The following GLP2R variants were observed in gnomAD, a reference collection of about 807,000 sequenced individuals.
The protein encoded by GLP2R is glucagon-like peptide 2 receptor.
GLP2R carries 59 observed loss-of-function variants against 68.2 expected under a neutral mutation model. The observed-to-expected ratio is 0.87, with a 90% CI of 0.70 to 1.07. GLP2R has a LOEUF of 1.07. Ranked by LOEUF, GLP2R falls within the 50% of genes least tolerant of loss-of-function variation. The pLI, the probability that GLP2R is intolerant of heterozygous loss-of-function variation, is 0.00. For synonymous variants in GLP2R, 270 were observed against 265.4 expected (o/e 1.02, Z -0.17); for missense variants, 548 against 677.4 (o/e 0.81, Z 2.12).
chr17:9,873,579 T>TTTTTA (rs1555573361), intron 10 of GLP2R, among the ~76,000 whole-genome samples: 6 of 141,642 alleles, frequency 4.2e-5, no homozygotes, highest in African/African-American at 1.3e-4. Context: ...TTTTTTTTTT[T>TTTTTA]AGCTCATCAG....
intron 11 of GLP2R, among the ~76,000 whole-genome samples, chr17:9,881,263 A>G (rs2067191872): frequency 6.6e-6 from 1 of 150,776 alleles, no homozygotes; most frequent in Admixed American, 6.6e-5. Context: ...CTGAGGCCTC[A>G]TTTCTCAGTG....
At chr17:9,869,883 G>A (rs1019299616) in intron 9 of GLP2R, among the ~76,000 whole-genome samples, 1 of 152,138 alleles carries the variant, frequency 6.6e-6, no homozygotes, top group Admixed American at 6.5e-5. Flanking sequence ...GGGGAATAAG[G>A]GGGATTAGCC....
intron 7 of GLP2R, among the ~76,000 whole-genome samples, chr17:9,860,337 G>T (rs527888562): frequency 6.6e-6 from 1 of 152,212 alleles, no homozygotes; most frequent in Non-Finnish European, 1.5e-5. Context: ...AAAGTCTTTG[G>T]TGGAATCTGA....
chr17:9,831,810 C>T (rs1033346164), intron 1 of GLP2R, among the ~76,000 whole-genome samples: 2 of 152,074 alleles, frequency 1.3e-5, no homozygotes, highest in African/African-American at 4.8e-5. Context: ...GAAAGGAAGA[C>T]AGGGTTGGAC....
intron 3 of GLP2R, 65 bp downstream of exon 3, chr17:9,836,540 CAA>C (rs2152031305): frequency 5.8e-6 from 5 of 865,258 alleles, no homozygotes; most frequent in Middle Eastern, 2.2e-4. Context: ...TCTTCCCCCA[CAA>C]ACAGTCCCCG....
intron 9 of GLP2R, among the ~76,000 whole-genome samples, chr17:9,868,036 AG>A (rs1326191874): frequency 6.6e-6 from 1 of 152,170 alleles, no homozygotes; most frequent in Non-Finnish European, 1.5e-5. Context: ...ATCAAAACTT[AG>A]CTTTGCTACA....
Position 9,838,666 on chromosome 17 carries a change from T to TGTGATTCCA in GLP2R, c.382+2192_382+2193insTGATTCCAG, listed in dbSNP as rs1271813335. 5.3e-5 allele frequency among the ~76,000 whole-genome samples: 8 copies of TGTGATTCCA among 152,226 alleles called. No individual in the cohort carries two copies. The East Asian group carries it at 1.4e-3, about 26-fold the overall frequency. ...AAATAGGTTTTGGGCTTCTGGAATG[T>TGTGATTCCA]GAAGGGAGTGTGATTTGCAAGAGGT... is the stretch of plus-strand genomic sequence containing the variant. On this transcript the variant is annotated intron_variant, in intron 3 of 12. Coordinates refer to ENST00000262441, the MANE Select transcript of GLP2R (RefSeq NM_004246.3).
In GLP2R at chr17:9,855,914, C is replaced by T. The variant is rs77363792; in HGVS notation, c.611+1313C>T. ...GGCAAGTGAGACATTTATGGACCCA[C>T]TAGAAAGCTCTCCAAAGCTGTCTCT... On this transcript the variant is annotated intron_variant, in intron 5 of 12. Transcript: ENST00000262441. Among the ~76,000 whole-genome samples, 1,473 of 152,300 alleles carry T rather than the reference C, an allele frequency of 9.7e-3. 29 individuals carry two copies. The highest frequency in any genetic ancestry group is 0.032 in the African/African-American group (1,328 of 41,558).
intron 4 of GLP2R, 30 bp from the exon 5 acceptor site, chr17:9,854,465 T>C (rs144387846): frequency 1.5e-6 from 2 of 1,345,032 alleles, no homozygotes; most frequent in South Asian, 2.3e-5. Flanking sequence ...CATGGCTTAG[T>C]GGTCATGTCT....
At chr17:9,837,931 T>C (rs1371818148) in intron 3 of GLP2R, among the ~76,000 whole-genome samples, 1 of 152,176 alleles carries the variant, frequency 6.6e-6, no homozygotes, top group Non-Finnish European at 1.5e-5. Flanking sequence ...ATTGTGCAAC[T>C]TTAGTTTCAA....
At chr17:9,853,549 A>G (rs551830624) in intron 4 of GLP2R, among the ~76,000 whole-genome samples, 2 of 152,378 alleles carry the variant, frequency 1.3e-5, no homozygotes, top group South Asian at 4.1e-4. Flanking sequence ...CACTACTGAT[A>G]CTTTATAGAC....
chr17:9,885,239 G>A (rs2067233147), intron 11 of GLP2R, among the ~76,000 whole-genome samples: 1 of 150,818 alleles, frequency 6.6e-6, no homozygotes, highest in Non-Finnish European at 1.5e-5. Flanking sequence ...GCCCAGGCTG[G>A]AGTGCAATGG....
chr17:9,844,432 G>A (rs1368838661), intron 4 of GLP2R, among the ~76,000 whole-genome samples: 2 of 152,096 alleles, frequency 1.3e-5, no homozygotes, highest in African/African-American at 2.4e-5. Flanking sequence ...AACTCAGGCC[G>A]GATAGGAAGA....
chr17:9,865,525 C>G (rs759237687), intron 9 of GLP2R, among the ~76,000 whole-genome samples: 2 of 152,162 alleles, frequency 1.3e-5, no homozygotes, highest in Non-Finnish European at 2.9e-5. Context: ...CATTCCCTCT[C>G]TACTCACCTA....
intron 4 of GLP2R, chr17:9,853,278 G>A (rs915528898): frequency 2.9e-5 from 8 of 277,244 alleles, no homozygotes; most frequent in Non-Finnish European, 5.6e-5. Context: ...GGCCTCCGGG[G>A]GCTCATGTCC....
intron 12 of GLP2R, among the ~76,000 whole-genome samples, chr17:9,888,327 C>T (rs2067261694): frequency 1.3e-5 from 2 of 152,140 alleles, no homozygotes; most frequent in Admixed American, 6.6e-5. Context: ...GCTGGGTCAC[C>T]GCACTTTGTT....
intron 4 of GLP2R, among the ~76,000 whole-genome samples, chr17:9,847,104 C>T (rs575146057): frequency 5.9e-5 from 9 of 152,282 alleles, no homozygotes; most frequent in East Asian, 3.9e-4. Flanking sequence ...TGCACAGTAG[C>T]GCAGCGTTAG....
At chr17:9,856,731 C>G (rs937724728) in intron 5 of GLP2R, among the ~76,000 whole-genome samples, 1 of 152,222 alleles carries the variant, frequency 6.6e-6, no homozygotes, top group Non-Finnish European at 1.5e-5. Flanking sequence ...AATCCCAACT[C>G]TGCGACTTAC....
intron 3 of GLP2R, among the ~76,000 whole-genome samples, chr17:9,839,024 G>C (rs1329034044): frequency 1.3e-5 from 2 of 152,246 alleles, no homozygotes; most frequent in African/African-American, 4.8e-5. Flanking sequence ...GAGGCTGGGG[G>C]CTGATGACGA....
Sources: allele counts gnomAD v4.1 joint callset (sites outside exome capture counted in the v4.1 genomes callset), GRCh38; gene constraint gnomAD v4.1.1; transcripts MANE v1.5; gene names NCBI Gene and HGNC (gene_info 2026-07-23, HGNC 2026-07-21).